Variants in TMEM181 observed in about 807,000 individuals in gnomAD.
The protein encoded by TMEM181 is G protein-coupled receptor 178.
A neutral mutation model predicts 71.9 loss-of-function variants in TMEM181; 39 were observed. The ratio of observed to expected loss-of-function variants is 0.54; its 90% CI spans 0.42 to 0.71. The LOEUF is 0.71. Ranked by LOEUF, TMEM181 falls within the 30% of genes least tolerant of loss-of-function variation. TMEM181 has a pLI of 0.00. For missense variants in TMEM181, 595 were observed against 583.0 expected (o/e 1.02, Z -0.21); for synonymous variants, 245 against 228.8 (o/e 1.07, Z -0.64).
chr6:158,570,594 C>T (rs746648793), intron 1 of TMEM181, among the ~76,000 whole-genome samples: 4 of 152,116 alleles, frequency 2.6e-5, no homozygotes, highest in East Asian at 1.9e-4. Flanking sequence ...AGTCAGTATA[C>T]GTGCCCAAGA....
At position 158,635,070 on chromosome 6, in the gene TMEM181, G is replaced by GGAA. The variant is rs1786879470; in HGVS notation, c.*3182_*3183insGAA. On this transcript the variant is annotated 3_prime_UTR_variant, in exon 17 of 17. Coordinates refer to ENST00000684151, the MANE Select transcript of TMEM181 (RefSeq NM_001376852.1). ...ACAGATCTTTTCCCCTGGCCAAAGGGAAGTTGTATTAGTCTGTGACATCTT... is the reference window on the plus strand; with the variant it reads ...ACAGATCTTTTCCCCTGGCCAAAGGGGAAAAGTTGTATTAGTCTGTGACATCTT... 6.6e-6 allele frequency: 1 copy of GGAA among 151,826 alleles called. No individual in the cohort carries two copies. Among genetic ancestry groups the GGAA allele is most frequent in the Non-Finnish European group, 1.5e-5 (1 of 67,974 alleles). 9.4% of individuals were successfully genotyped at this position (151,826 alleles called of 1,614,324 possible).
chr6:158,628,051 G>C (rs1050356726), intron 13 of TMEM181, among the ~76,000 whole-genome samples: 4 of 152,214 alleles, frequency 2.6e-5, no homozygotes, highest in African/African-American at 7.2e-5. Flanking sequence ...TGTCACAGGA[G>C]ATGGTCTCGA....
chr6:158,542,990 T>G (rs904441686), intron 1 of TMEM181, among the ~76,000 whole-genome samples: 1 of 144,982 alleles, frequency 6.9e-6, no homozygotes, highest in Non-Finnish European at 1.5e-5. Context: ...ATTCTCCTGC[T>G]TCAGCCTCCC....
chr6:158,607,275 C>T lies in TMEM181; in HGVS notation c.605C>T (p.Ser202Phe). 2.5e-6 allele frequency: 4 copies of T among 1,614,228 alleles called. No homozygotes were observed. The highest frequency in any genetic ancestry group is 3.4e-6 in the Non-Finnish European group (4 of 1,180,044). ...TTTGCGCATTCCCTCCGGAAATTTT[C>T]CATGAGAGACTGGGGCATCGAGCAG... ...CLFAHSLRKF[S>F]MRDWGIEQKW... Residue 202 changes from serine (S) to phenylalanine (F), a missense_variant, in exon 8 of 17, where the codon TCC becomes TTC. Physicochemically the swap from Ser to Phe is radical, Grantham distance 155. Coordinates refer to ENST00000684151, the MANE Select transcript of TMEM181 (RefSeq NM_001376852.1).
chr6:158,538,822 CAAG>C (rs1781232363), intron 1 of TMEM181, among the ~76,000 whole-genome samples: 1 of 152,066 alleles, frequency 6.6e-6, no homozygotes, highest in African/African-American at 2.4e-5. Context: ...GCTAACCAGA[CAAG>C]GAGGCAGGGA....
chr6:158,591,641 T>C (rs1324781642), intron 6 of TMEM181, among the ~76,000 whole-genome samples: 1 of 152,060 alleles, frequency 6.6e-6, no homozygotes, highest in Non-Finnish European at 1.5e-5. Context: ...TAATCATCTG[T>C]GCTTTAGACT....
chr6:158,581,556 A>G (rs568977376), intron 3 of TMEM181, among the ~76,000 whole-genome samples: 1 of 152,196 alleles, frequency 6.6e-6, no homozygotes, highest in African/African-American at 2.4e-5. Context: ...GATTGAGACC[A>G]TCCTGGCTAA....
intron 2 of TMEM181, among the ~76,000 whole-genome samples, chr6:158,576,469 G>C (rs575506085): frequency 2.6e-5 from 4 of 152,122 alleles, no homozygotes; most frequent in African/African-American, 9.6e-5. Flanking sequence ...TTAAAGGGCT[G>C]GCACTTTTTT....
chr6:158,571,799 A>G (rs1446711099), intron 1 of TMEM181, among the ~76,000 whole-genome samples: 1 of 152,226 alleles, frequency 6.6e-6, no homozygotes, highest in Non-Finnish European at 1.5e-5. Context: ...GCAGGTGCAG[A>G]GGGCAGGGCT....
chr6:158,594,706 G>A (rs1478256522), intron 6 of TMEM181, among the ~76,000 whole-genome samples: 1 of 152,056 alleles, frequency 6.6e-6, no homozygotes, highest in African/African-American at 2.4e-5. Flanking sequence ...TTGTTCTTTT[G>A]AAATGGAGTT....
rs1192904268 is a variant in TMEM181, at chr6:158,560,246, C to T, written c.8+14C>T. 3 of 984,954 alleles carry T rather than the reference C, an allele frequency of 3.0e-6. No individual in the cohort carries two copies. Among genetic ancestry groups the T allele is most frequent in the East Asian group, 1.1e-4 (1 of 8,788 alleles). The allele number at this position is 984,954 out of a possible 1,614,324, so 61.0% of individuals were successfully genotyped here. Reference sequence around the variant, plus strand: ...CGAGATGGAGCCGTGAGTCCCCGGCCGAGCGGGCGGGCTGGCTGGCTCTCC... The same window carrying T: ...CGAGATGGAGCCGTGAGTCCCCGGCTGAGCGGGCGGGCTGGCTGGCTCTCC... On this transcript the variant is annotated intron_variant, in intron 1 of 16. Coordinates refer to ENST00000684151, the MANE Select transcript of TMEM181 (RefSeq NM_001376852.1).
chr6:158,596,026 A>G (rs563538384), intron 6 of TMEM181, among the ~76,000 whole-genome samples: 2 of 152,168 alleles, frequency 1.3e-5, no homozygotes, highest in East Asian at 1.9e-4. Flanking sequence ...GGTTCATGCC[A>G]TCCTCCTGCC....
At chr6:158,574,875 ATGGTG>A in intron 2 of TMEM181, among the ~76,000 whole-genome samples, 2 of 152,368 alleles carry the variant, frequency 1.3e-5, no homozygotes, top group Non-Finnish European at 2.9e-5. Flanking sequence ...AGGAGAGCCC[ATGGTG>A]TAGTTCCAGT....
At chr6:158,582,169 C>T (rs912889041) in intron 3 of TMEM181, among the ~76,000 whole-genome samples, 4 of 152,204 alleles carry the variant, frequency 2.6e-5, no homozygotes, top group African/African-American at 9.6e-5. Flanking sequence ...GCTTTATTTT[C>T]TTTCACTGTT....
intron 5 of TMEM181, 98 bp downstream of exon 5, chr6:158,585,523 C>G (rs1783719032): frequency 2.3e-6 from 3 of 1,302,322 alleles, no homozygotes; most frequent in African/African-American, 1.5e-5. Context: ...TGGTAAGAGG[C>G]TTCGAGAAAT....
At chr6:158,572,449 C>T (rs1782911813) in intron 1 of TMEM181, 2 of 456,630 alleles carry the variant, frequency 4.4e-6, no homozygotes, top group African/African-American at 2.0e-5. Flanking sequence ...GCAAAACAGA[C>T]AGCGCCGCAC....
At chr6:158,604,707 A>C (rs1784850468) in intron 6 of TMEM181, among the ~76,000 whole-genome samples, 1 of 152,188 alleles carries the variant, frequency 6.6e-6, no homozygotes, top group Admixed American at 6.5e-5. Flanking sequence ...TTGCACTTTT[A>C]CATCTTTTAA....
chr6:158,591,484 C>T (rs1482260914), intron 6 of TMEM181, among the ~76,000 whole-genome samples: 1 of 152,022 alleles, frequency 6.6e-6, no homozygotes, highest in Non-Finnish European at 1.5e-5. Flanking sequence ...CTGGTCTTTG[C>T]TGTCTGAATG....
chr6:158,540,795 C>G (rs1411930905), intron 1 of TMEM181, among the ~76,000 whole-genome samples: 1 of 151,994 alleles, frequency 6.6e-6, no homozygotes, highest in Non-Finnish European at 1.5e-5. Context: ...GAGAGAGAGT[C>G]TCACCCCTGT....
Sources: gnomAD v4.1 joint callset for allele counts (sites outside exome capture counted in the v4.1 genomes callset) on GRCh38, gnomAD v4.1.1 for gene constraint, MANE v1.5 for transcripts, NCBI Gene and HGNC (gene_info 2026-07-23, HGNC 2026-07-21) for gene names.